Variants in ASH1L observed in about 807,000 individuals in gnomAD.
ASH1L encodes histone-lysine N-methyltransferase ASH1L.
A neutral mutation model predicts 269.0 loss-of-function variants in ASH1L; 23 were observed. The observed-to-expected ratio is 0.09, with a 90% CI of 0.06 to 0.12. ASH1L has a LOEUF of 0.12. Among genes scored for constraint, ASH1L ranks in the 10% least tolerant of loss-of-function variants. The pLI is 1.00. For synonymous variants in ASH1L, 1,187 were observed against 1,253.5 expected (o/e 0.95, Z 1.12); for missense variants, 2,912 against 3,567.8 (o/e 0.82, Z 4.68).
intron 2 of ASH1L, among the ~76,000 whole-genome samples, chr1:155,504,498 G>A (rs1191324107): frequency 6.6e-6 from 1 of 152,114 alleles, no homozygotes; most frequent in Non-Finnish European, 1.5e-5. Context: ...GAAGACCAGG[G>A]TAGTTCACTA....
At chr1:155,506,968 A>G (rs1252931028) in intron 2 of ASH1L, among the ~76,000 whole-genome samples, 1 of 152,016 alleles carries the variant, frequency 6.6e-6, no homozygotes, top group African/African-American at 2.4e-5. Flanking sequence ...TTTTGTTTAA[A>G]AAGTAATAAT....
Position 155,387,651 on chromosome 1 carries a change from T to C in ASH1L, c.6104-7535A>G, listed in dbSNP as rs140470603. On this transcript the variant is annotated intron_variant, in intron 7 of 27. Transcript: ENST00000392403. Reference sequence around the variant, plus strand: ...TTTTGGTTCCATATGAATGTTAAAATAGTTTTTTTCTAGCTCTATGAAGAA... The same window carrying C: ...TTTTGGTTCCATATGAATGTTAAAACAGTTTTTTTCTAGCTCTATGAAGAA... Among the ~76,000 whole-genome samples the C allele has an allele frequency of 3.3e-3, 503 of 152,334 alleles. 3 individuals carry two copies. Among genetic ancestry groups the C allele is most frequent in the African/African-American group, 0.012 (486 of 41,574 alleles).
chr1:155,510,447 C>T (rs1324330895), intron 2 of ASH1L, among the ~76,000 whole-genome samples: 1 of 149,940 alleles, frequency 6.7e-6, no homozygotes, highest in Admixed American at 6.7e-5. Flanking sequence ...ATTATATAAG[C>T]CACATTTCCA....
chr1:155,400,898 G>A (rs1258719144), intron 6 of ASH1L, among the ~76,000 whole-genome samples: 2 of 152,028 alleles, frequency 1.3e-5, no homozygotes, highest in East Asian at 3.9e-4. Context: ...GGTGGCTCAC[G>A]CCTGTAATCC....
In ASH1L at chr1:155,473,468, G is replaced by T. The variant is rs548824177; in HGVS notation, c.4984+4418C>A. On this transcript the variant is annotated intron_variant, in intron 3 of 27. Coordinates refer to ENST00000392403, the MANE Select transcript of ASH1L (RefSeq NM_018489.3). Reference sequence around the variant, plus strand: ...CTTCATCTTTTCCTGGAAGGTTAATGCCTATATTTATTGTAGTATTTCTAT... The same window carrying T: ...CTTCATCTTTTCCTGGAAGGTTAATTCCTATATTTATTGTAGTATTTCTAT... Among the ~76,000 whole-genome samples the T allele has an allele frequency of 1.7e-3, 254 of 150,880 alleles. 1 individual carries two copies. Among genetic ancestry groups the T allele is most frequent in the South Asian group, 3.1e-3 (15 of 4,764 alleles).
In ASH1L at chr1:155,380,220, A is replaced by G. The variant is rs1656814855; in HGVS notation, c.6104-104T>C. Reference sequence around the variant, plus strand: ...TAACATGTACTGACTAAAAAAATAAAGATTTAATTCTTTAAGGATTTTTCC... The same window carrying G: ...TAACATGTACTGACTAAAAAAATAAGGATTTAATTCTTTAAGGATTTTTCC... On this transcript the variant is annotated intron_variant, in intron 7 of 27. Coordinates refer to ENST00000392403, the MANE Select transcript of ASH1L (RefSeq NM_018489.3). 4 of 787,966 alleles carry G rather than the reference A, an allele frequency of 5.1e-6. No individual in the cohort carries two copies. The South Asian group carries it at 7.5e-5, about 15-fold the overall frequency. 48.8% of individuals were successfully genotyped at this position (787,966 alleles called of 1,614,324 possible).
At chr1:155,378,017 C>T (rs1428589821) in intron 10 of ASH1L, among the ~76,000 whole-genome samples, 3 of 148,848 alleles carry the variant, frequency 2.0e-5, no homozygotes, top group Non-Finnish European at 4.4e-5. Flanking sequence ...AGGGAGACTC[C>T]GTCTCAAAAA....
intron 12 of ASH1L, chr1:155,370,259 G>T: frequency 1.9e-6 from 1 of 514,212 alleles, no homozygotes; most frequent in Non-Finnish European, 3.5e-6. Context: ...CTACTTGCAT[G>T]CCAAACAAAA....
At chr1:155,361,521 A>C (rs1296674385) in intron 12 of ASH1L, among the ~76,000 whole-genome samples, 2 of 79,554 alleles carry the variant, frequency 2.5e-5, no homozygotes, top group Non-Finnish European at 5.5e-5. Context: ...CATCTCACAA[A>C]AAAAAAAAAA....
intron 7 of ASH1L, among the ~76,000 whole-genome samples, chr1:155,386,673 C>T (rs1447340401): frequency 6.6e-6 from 1 of 152,026 alleles, no homozygotes; most frequent in Non-Finnish European, 1.5e-5. Flanking sequence ...GGATGACAGG[C>T]GTGAGCCACC....
intron 1 of ASH1L, among the ~76,000 whole-genome samples, chr1:155,529,949 G>C (rs1669543247): frequency 1.3e-5 from 2 of 150,638 alleles, no homozygotes; most frequent in South Asian, 4.2e-4. Flanking sequence ...AGGTAACAGA[G>C]CAAGACTCTG....
In ASH1L at chr1:155,410,095, CA is replaced by C. The variant is rs957557007; in HGVS notation, c.6008+5648del. Among the ~76,000 whole-genome samples, 776 of 139,588 alleles carry C rather than the reference CA, an allele frequency of 5.6e-3. 5 individuals carry two copies. The highest frequency in any genetic ancestry group is 0.017 in the African/African-American group (669 of 38,246). The allele number at this position is 139,588 out of a possible 152,430, so 91.6% of individuals were successfully genotyped here. A position where few individuals can be genotyped will look rare whatever the true frequency, so the allele number is the denominator to read the frequency against. Reference sequence around the variant, plus strand: ...CAGGAGAATTGCTTGAACTCCATCTCAAAAAAAAAAAAGTTCGTATTATTTT... The same window carrying C: ...CAGGAGAATTGCTTGAACTCCATCTCAAAAAAAAAAAGTTCGTATTATTTT... On this transcript the variant is annotated intron_variant, in intron 6 of 27. Coordinates refer to ENST00000392403, the MANE Select transcript of ASH1L (RefSeq NM_018489.3).
At chr1:155,511,173 A>G (rs1007432072) in intron 2 of ASH1L, among the ~76,000 whole-genome samples, 1 of 152,244 alleles carries the variant, frequency 6.6e-6, no homozygotes, top group African/African-American at 2.4e-5. Context: ...AATATACTGA[A>G]AATGTCTTCA....
intron 12 of ASH1L, among the ~76,000 whole-genome samples, chr1:155,367,195 T>C (rs1655510118): frequency 1.3e-5 from 2 of 152,194 alleles, no homozygotes; most frequent in East Asian, 1.9e-4. Flanking sequence ...GGTTTCACCA[T>C]GTTGGTCAGA....
In ASH1L at chr1:155,370,549, C is replaced by T. The variant is rs1224632413; in HGVS notation, c.6641G>A (p.Arg2214Gln). 4 of 1,614,098 alleles carry T rather than the reference C, an allele frequency of 2.5e-6. No individual in the cohort carries two copies. Among genetic ancestry groups the T allele is most frequent in the South Asian group, 2.2e-5 (2 of 91,078 alleles). The change falls in exon 12 of 28, where the codon CGA becomes CAA. Residue 2214 changes from arginine (R) to glutamine (Q), a missense_variant. Arg to Gln is a conservative substitution (Grantham distance 43, BLOSUM62 1). This residue lies in a region of ASH1L where 7 missense variants were observed against 42.5 expected (regional missense o/e 0.16). Coordinates refer to ENST00000392403, the MANE Select transcript of ASH1L (RefSeq NM_018489.3). ...TGGGTCACAGCTATGGTTGATGAATCGGGCCTCATTTCCCATGCGGTAACT... is the reference window on the plus strand; with the variant it reads ...TGGGTCACAGCTATGGTTGATGAATTGGGCCTCATTTCCCATGCGGTAACT... ...IDSYRMGNEA[R>Q]FINHSCDPNC... is the part of the protein sequence containing the mutation.
chr1:155,433,570 G>A, intron 5 of ASH1L: 1 of 1,610,802 alleles, frequency 6.2e-7, no homozygotes, highest in Non-Finnish European at 8.5e-7. Context: ...AGAAGCTGGA[G>A]CAAAACCCGC....
At chr1:155,445,096 G>A (rs1476231137) in intron 4 of ASH1L, among the ~76,000 whole-genome samples, 1 of 152,096 alleles carries the variant, frequency 6.6e-6, no homozygotes, top group East Asian at 1.9e-4. Flanking sequence ...CAGGGTCAGT[G>A]ATCTTTTTAT....
At chr1:155,451,498 G>A (rs1663463460) in intron 4 of ASH1L, among the ~76,000 whole-genome samples, 1 of 151,672 alleles carries the variant, frequency 6.6e-6, no homozygotes, top group African/African-American at 2.4e-5. Flanking sequence ...GGTGGCTCAC[G>A]CCCGTAATCA....
intron 10 of ASH1L, among the ~76,000 whole-genome samples, chr1:155,375,724 G>C (rs1425165001): frequency 1.3e-5 from 2 of 152,070 alleles, no homozygotes; most frequent in Non-Finnish European, 2.9e-5. Context: ...CTTGAACCCG[G>C]GAGGTGGAGG....
Sources: gnomAD v4.1 joint callset for allele counts (sites outside exome capture counted in the v4.1 genomes callset) on GRCh38, gnomAD v4.1.1 for gene constraint, gnomAD v4.1.1 regional missense constraint, MANE v1.5 for transcripts, NCBI Gene and HGNC (gene_info 2026-07-23, HGNC 2026-07-21) for gene names.